Variants in PLPPR1 observed in about 807,000 individuals in gnomAD.
PLPPR1 encodes phospholipid phosphatase related 1.
In PLPPR1, 10 loss-of-function variants were observed where a neutral mutation model predicts 33.1. The observed-to-expected ratio is 0.30, with a 90% CI of 0.19 to 0.51. The LOEUF (loss-of-function observed/expected upper bound fraction) is 0.51, where lower values mean the gene tolerates loss of function less well. PLPPR1 is among the 20% of genes least tolerant of loss of function. The probability of loss-of-function intolerance (pLI) is 0.97; values close to 1 mark genes in which losing one functional copy is unlikely to be tolerated. For missense variants in PLPPR1, 304 were observed against 408.1 expected (o/e 0.74, Z 2.20); for synonymous variants, 151 against 151.0 (o/e 1.00, Z 0.00).
intron 1 of PLPPR1, among the ~76,000 whole-genome samples, chr9:101,126,926 T>C (rs964043020): frequency 2.6e-5 from 4 of 152,166 alleles, no homozygotes; most frequent in African/African-American, 9.7e-5. Flanking sequence ...TTTTGTATCA[T>C]CTTTATACGC....
At chr9:101,145,914 G>A (rs1016049848) in intron 1 of PLPPR1, among the ~76,000 whole-genome samples, 1 of 151,686 alleles carries the variant, frequency 6.6e-6, no homozygotes, top group East Asian at 1.9e-4. Flanking sequence ...TGCTCAGGAG[G>A]CTGAGGCAGG....
intron 2 of PLPPR1, among the ~76,000 whole-genome samples, chr9:101,253,152 G>A (rs1044481325): frequency 1.1e-4 from 17 of 151,782 alleles, no homozygotes; most frequent in African/African-American, 4.1e-4. Flanking sequence ...TAGCTGTGAT[G>A]AATTACAGTG....
intron 5 of PLPPR1, among the ~76,000 whole-genome samples, chr9:101,309,822 CTT>C (rs35212955): frequency 0.12 from 18,653 of 152,122 alleles, 1,321 homozygotes; most frequent in South Asian, 0.18. Context: ...CAACAGTACT[CTT>C]TGTCAAGGTT....
chr9:101,043,001 C>G (rs1281739811), intron 1 of PLPPR1, among the ~76,000 whole-genome samples: 1 of 152,014 alleles, frequency 6.6e-6, no homozygotes, highest in Non-Finnish European at 1.5e-5. Context: ...CTTTGGTTTG[C>G]CCATCACCGG....
intron 3 of PLPPR1, among the ~76,000 whole-genome samples, chr9:101,270,314 T>A (rs533445753): frequency 1.2e-4 from 19 of 152,280 alleles, no homozygotes; most frequent in Middle Eastern, 3.4e-3. Flanking sequence ...TTAAAAAGCA[T>A]GTGAGAATGT....
intron 1 of PLPPR1, among the ~76,000 whole-genome samples, chr9:101,182,286 A>G (rs914964248): frequency 5.9e-5 from 9 of 151,628 alleles, no homozygotes; most frequent in Admixed American, 5.9e-4. Flanking sequence ...AAGGGTGTAA[A>G]GTTTCAGATA....
At chr9:101,237,257 A>G (rs1016072755) in intron 2 of PLPPR1, among the ~76,000 whole-genome samples, 1 of 151,862 alleles carries the variant, frequency 6.6e-6, no homozygotes, top group Middle Eastern at 3.4e-3. Flanking sequence ...GGAAAACACA[A>G]TGGAGATTTC....
chr9:101,152,652 G>A (rs966407374), intron 1 of PLPPR1, among the ~76,000 whole-genome samples: 3 of 152,190 alleles, frequency 2.0e-5, no homozygotes, highest in Non-Finnish European at 4.4e-5. Context: ...TTATTAGATA[G>A]GGAATCCTTT....
chr9:101,210,756 TAC>T (rs1397422355), intron 2 of PLPPR1, among the ~76,000 whole-genome samples: 2 of 152,182 alleles, frequency 1.3e-5, no homozygotes, highest in African/African-American at 4.8e-5. Flanking sequence ...TTATTATAAT[TAC>T]AGTTTTGTTT....
At chr9:101,323,764 A>G (rs931567371) in intron 7 of PLPPR1, among the ~76,000 whole-genome samples, 3 of 151,886 alleles carry the variant, frequency 2.0e-5, no homozygotes, top group African/African-American at 7.3e-5. Flanking sequence ...GCTTGAACCC[A>G]GGAGGGAGAG....
At chr9:101,134,300 C>G (rs1831351322) in intron 1 of PLPPR1, among the ~76,000 whole-genome samples, 1 of 151,924 alleles carries the variant, frequency 6.6e-6, no homozygotes, top group East Asian at 1.9e-4. Flanking sequence ...AAGAGACAAG[C>G]CTAAGTCATA....
intron 4 of PLPPR1, among the ~76,000 whole-genome samples, chr9:101,288,155 T>G (rs1254749128): frequency 6.6e-6 from 1 of 152,176 alleles, no homozygotes; most frequent in Non-Finnish European, 1.5e-5. Flanking sequence ...CACAAGTCTC[T>G]GTTTATTGAG....
Position 101,185,620 on chromosome 9 carries a change from A to T in PLPPR1, c.63+63A>T, listed in dbSNP as rs879080960. The stretch of plus-strand genomic sequence containing the variant: ...TAAAAGTAACAGTTTTTATTCTGAT[A>T]ACTTAGATTATTTTATAAAATTAAT... On this transcript the variant is annotated intron_variant, in intron 2 of 7. Transcript: ENST00000374874. 51 of 980,750 alleles carry T rather than the reference A, an allele frequency of 5.2e-5. No individual in the cohort carries two copies. The South Asian group carries it at 7.4e-4, about 14-fold the overall frequency. 60.8% of individuals were successfully genotyped at this position (980,750 alleles called of 1,614,324 possible). A position where few individuals can be genotyped will look rare whatever the true frequency, so the allele number is the denominator to read the frequency against.
chr9:101,290,573 T>A (rs7021563), intron 4 of PLPPR1, among the ~76,000 whole-genome samples: 16,507 of 152,222 alleles, frequency 0.11, 1,090 homozygotes, highest in African/African-American at 0.18. Flanking sequence ...GGTCTTTTTT[T>A]AACCCCAAAT....
chr9:101,139,372 C>T (rs897779769), intron 1 of PLPPR1, among the ~76,000 whole-genome samples: 1 of 152,086 alleles, frequency 6.6e-6, no homozygotes, highest in Admixed American at 6.5e-5. Flanking sequence ...TGTCACCACC[C>T]AAAGACATGA....
At chr9:101,044,861 C>T (rs1830126013) in intron 1 of PLPPR1, among the ~76,000 whole-genome samples, 1 of 152,110 alleles carries the variant, frequency 6.6e-6, no homozygotes, top group African/African-American at 2.4e-5. Flanking sequence ...AATCTCTTTA[C>T]CTAATTTGCC....
chr9:101,116,792 A>G (rs1831122759), intron 1 of PLPPR1, among the ~76,000 whole-genome samples: 1 of 147,778 alleles, frequency 6.8e-6, no homozygotes, highest in South Asian at 2.2e-4. Flanking sequence ...CTGGTGACAG[A>G]GTAGGACTCC....
intron 1 of PLPPR1, among the ~76,000 whole-genome samples, chr9:101,158,203 A>C (rs1404778477): frequency 6.6e-6 from 1 of 152,160 alleles, no homozygotes; most frequent in Non-Finnish European, 1.5e-5. Context: ...CCAGATTGCA[A>C]TTAGTAAAGA....
At chr9:101,208,233 G>A (rs1055396323) in intron 2 of PLPPR1, among the ~76,000 whole-genome samples, 1 of 152,206 alleles carries the variant, frequency 6.6e-6, no homozygotes, top group African/African-American at 2.4e-5. Context: ...GTGTAGAAGT[G>A]AATGCATAGT....
Sources: allele counts gnomAD v4.1 joint callset (sites outside exome capture counted in the v4.1 genomes callset), GRCh38; gene constraint gnomAD v4.1.1; transcripts MANE v1.5; gene names NCBI Gene and HGNC (gene_info 2026-07-23, HGNC 2026-07-21).